Variants in DOCK1 observed in about 807,000 individuals in gnomAD.
DOCK1 encodes dedicator of cytokinesis protein 1.
Under a neutral mutation model 262.7 loss-of-function variants are expected in DOCK1, and 138 were observed. That is an observed-to-expected ratio of 0.53 (90% CI 0.46 to 0.61). The LOEUF (loss-of-function observed/expected upper bound fraction) is 0.61. Among genes scored for constraint, DOCK1 ranks in the 20% least tolerant of loss-of-function variants. DOCK1 has a pLI of 0.00. For synonymous variants in DOCK1, 866 were observed against 867.4 expected (o/e 1.00, Z 0.03); for missense variants, 1,908 against 2,370.7 (o/e 0.80, Z 4.05).
At position 127,093,239 on chromosome 10, in the gene DOCK1, C is replaced by CTTTCT. The variant is rs372397425; in HGVS notation, c.2446-12990_2446-12989insTCTTT. Among the ~76,000 whole-genome samples the CTTTCT allele has an allele frequency of 2.6e-3, 249 of 94,256 alleles. 2 individuals carry two copies. Among genetic ancestry groups the CTTTCT allele is most frequent in the Non-Finnish European group, 3.4e-3 (161 of 48,020 alleles). 61.8% of individuals were successfully genotyped at this position (94,256 alleles called of 152,430 possible). The stretch of plus-strand genomic sequence containing the variant: ...CTTTCTTTTCTTTCTTTCTTTCTTT[C>CTTTCT]TTCTTTTTTTTTTTTTTTTTTTTGG... On this transcript the variant is annotated intron_variant, in intron 23 of 51. Coordinates refer to ENST00000623213, the MANE Select transcript of DOCK1 (RefSeq NM_001290223.2).
intron 35 of DOCK1, among the ~76,000 whole-genome samples, chr10:127,377,737 CA>C (rs1171020459): frequency 1.3e-5 from 2 of 151,770 alleles, no homozygotes; most frequent in Non-Finnish European, 2.9e-5. Context: ...ACTAAAAATA[CA>C]AAAATTAGCT....
At chr10:127,364,513 G>A (rs1383129397) in intron 33 of DOCK1, among the ~76,000 whole-genome samples, 3 of 152,032 alleles carry the variant, frequency 2.0e-5, no homozygotes, top group Non-Finnish European at 4.4e-5. Context: ...TTACAGGTGC[G>A]TGCCACCACG....
At chr10:127,415,122 C>G (rs377048659) in intron 43 of DOCK1, 30 bp from the exon 44 acceptor site, 5 of 1,598,404 alleles carry the variant, frequency 3.1e-6, no homozygotes, top group Non-Finnish European at 4.3e-6. Flanking sequence ...TCCTTCTAAC[C>G]CGTGTTGTGT....
intron 31 of DOCK1, among the ~76,000 whole-genome samples, chr10:127,347,897 C>T (rs1365009333): frequency 3.5e-5 from 3 of 86,650 alleles, no homozygotes; most frequent in Non-Finnish European, 7.2e-5. Flanking sequence ...CCCTTCCCTT[C>T]CCCCTTGCTA....
At chr10:127,300,369 T>G in intron 29 of DOCK1, among the ~76,000 whole-genome samples, 1 of 152,266 alleles carries the variant, frequency 6.6e-6, no homozygotes, top group Non-Finnish European at 1.5e-5. Context: ...AAACAGGAAA[T>G]GAGCCACCAA....
At chr10:126,970,856 G>A in intron 2 of DOCK1, 71 bp downstream of exon 2, 2 of 1,530,830 alleles carry the variant, frequency 1.3e-6, no homozygotes, top group Non-Finnish European at 1.8e-6. Flanking sequence ...TGCCTGCTGG[G>A]CAAAGCATTC....
intron 31 of DOCK1, among the ~76,000 whole-genome samples, chr10:127,349,151 G>A (rs2063770803): frequency 6.6e-6 from 1 of 151,824 alleles, no homozygotes; most frequent in African/African-American, 2.4e-5. Context: ...CCCCAGCCAT[G>A]AGCTCCCTCC....
chr10:127,216,309 TAAAAA>T (rs57559331), intron 27 of DOCK1, among the ~76,000 whole-genome samples: 1 of 141,328 alleles, frequency 7.1e-6, no homozygotes, highest in African/African-American at 2.6e-5. Flanking sequence ...GATAATTTAG[TAAAAA>T]AAAAAAAAAA....
intron 27 of DOCK1, among the ~76,000 whole-genome samples, chr10:127,231,855 A>G (rs956324811): frequency 4.6e-5 from 7 of 152,182 alleles, no homozygotes; most frequent in African/African-American, 1.7e-4. Flanking sequence ...CATTTGTTCA[A>G]ATAAACTCCA....
chr10:127,018,989 T>C (rs2042210900), intron 13 of DOCK1, 154 bp downstream of exon 13: 4 of 1,184,058 alleles, frequency 3.4e-6, no homozygotes, highest in Admixed American at 5.6e-5. Flanking sequence ...TTATGGATCA[T>C]GGGGCTGTGA....
chr10:127,386,305 C>A (rs1478152087), intron 38 of DOCK1, among the ~76,000 whole-genome samples: 1 of 152,184 alleles, frequency 6.6e-6, no homozygotes, highest in Non-Finnish European at 1.5e-5. Flanking sequence ...TACACCCAGT[C>A]CTGTAGTTTA....
chr10:127,157,262 A>T (rs1208398794), intron 27 of DOCK1, among the ~76,000 whole-genome samples: 2 of 152,222 alleles, frequency 1.3e-5, no homozygotes, highest in East Asian at 3.9e-4. Context: ...TTGCAAACAC[A>T]AAGACCGTCA....
chr10:127,411,021 C>A, intron 43 of DOCK1, 97 bp downstream of exon 43: 1 of 1,193,016 alleles, frequency 8.4e-7, no homozygotes, highest in Non-Finnish European at 1.2e-6. Flanking sequence ...GAGGCAGCCA[C>A]GGAGCCATAT....
intron 29 of DOCK1, among the ~76,000 whole-genome samples, chr10:127,277,667 G>A (rs547381333): frequency 6.6e-6 from 1 of 152,166 alleles, no homozygotes; most frequent in Non-Finnish European, 1.5e-5. Flanking sequence ...GGAGGCTGAG[G>A]CAGGAGAATC....
intron 3 of DOCK1, among the ~76,000 whole-genome samples, chr10:126,978,698 A>G (rs966358326): frequency 3.3e-5 from 5 of 152,108 alleles, no homozygotes; most frequent in African/African-American, 1.2e-4. Context: ...ATATCTAATT[A>G]TGTTTGACCC....
chr10:127,441,672 C>T (rs1313328314), intron 49 of DOCK1, among the ~76,000 whole-genome samples: 2 of 152,034 alleles, frequency 1.3e-5, no homozygotes, highest in African/African-American at 4.8e-5. Context: ...CAACCCATTC[C>T]CTGGGGACAA....
chr10:126,997,349 G>A (rs1591582304), intron 7 of DOCK1, among the ~76,000 whole-genome samples: 1 of 152,080 alleles, frequency 6.6e-6, no homozygotes, highest in Admixed American at 6.6e-5. Flanking sequence ...AAGAAAAGAG[G>A]TTTAATTGGT....
intron 29 of DOCK1, among the ~76,000 whole-genome samples, chr10:127,280,349 G>A (rs894681079): frequency 2.6e-5 from 4 of 152,188 alleles, no homozygotes; most frequent in African/African-American, 9.6e-5. Context: ...ATATTTTTAT[G>A]TTGTAAAAAG....
At chr10:126,908,738 C>T (rs1056129531) in intron 1 of DOCK1, among the ~76,000 whole-genome samples, 2 of 152,138 alleles carry the variant, frequency 1.3e-5, no homozygotes, top group African/African-American at 2.4e-5. Context: ...GTCATGTTTA[C>T]GGGCCTGGCA....
Sources: gnomAD v4.1 joint callset for allele counts (sites outside exome capture counted in the v4.1 genomes callset) on GRCh38, gnomAD v4.1.1 for gene constraint, MANE v1.5 for transcripts, NCBI Gene and HGNC (gene_info 2026-07-23, HGNC 2026-07-21) for gene names.